NELL1: variants seen among roughly 807,000 people sequenced by gnomAD.
The protein encoded by NELL1 is neural EGFL like 1.
A neutral mutation model predicts 107.4 loss-of-function variants in NELL1; 76 were observed. That is an observed-to-expected ratio of 0.71 (90% confidence interval 0.59 to 0.86). The LOEUF (loss-of-function observed/expected upper bound fraction) is 0.86. Among genes scored for constraint, NELL1 ranks in the 40% least tolerant of loss-of-function variants. The probability of loss-of-function intolerance (pLI) is 0.00; values close to 1 mark genes in which losing one functional copy is unlikely to be tolerated. For synonymous variants in NELL1, 353 were observed against 341.2 expected (o/e 1.03, Z -0.38); for missense variants, 1,024 against 1,005.5 (o/e 1.02, Z -0.25).
At chr11:20,918,354 A>G in intron 6 of NELL1, 100 bp downstream of exon 6, 2 of 719,384 alleles carry the variant, frequency 2.8e-6, no homozygotes, top group Non-Finnish European at 5.0e-6. Context: ...TACAGTGTTG[A>G]CTTCTGAGGT....
At chr11:20,688,415 C>T (rs1854363975) in intron 2 of NELL1, among the ~76,000 whole-genome samples, 1 of 152,018 alleles carries the variant, frequency 6.6e-6, no homozygotes, top group South Asian at 2.1e-4. Flanking sequence ...GTGTCTGTAG[C>T]TGCCATCTTT....
chr11:21,168,936 T>C (rs1411368016), intron 13 of NELL1, among the ~76,000 whole-genome samples: 1 of 151,984 alleles, frequency 6.6e-6, no homozygotes. Flanking sequence ...TATTGCTACC[T>C]TCTTCCTAAT....
At chr11:20,727,079 T>C (rs529663108) in intron 2 of NELL1, among the ~76,000 whole-genome samples, 37 of 152,264 alleles carry the variant, frequency 2.4e-4, no homozygotes, top group Admixed American at 6.5e-4. Context: ...GTCTTTATAG[T>C]AGCATGATTT....
At chr11:21,014,865 G>T (rs1852529613) in intron 12 of NELL1, among the ~76,000 whole-genome samples, 1 of 152,026 alleles carries the variant, frequency 6.6e-6, no homozygotes, top group South Asian at 2.1e-4. Context: ...CCTTGTTGTG[G>T]TTATTTCATT....
intron 11 of NELL1, among the ~76,000 whole-genome samples, chr11:20,957,553 C>T (rs868568054): frequency 6.6e-6 from 1 of 152,008 alleles, no homozygotes. Flanking sequence ...TGCTATTCAG[C>T]ATAAACAACA....
intron 13 of NELL1, among the ~76,000 whole-genome samples, chr11:21,207,538 G>A (rs914452517): frequency 2.0e-5 from 3 of 152,132 alleles, no homozygotes; most frequent in East Asian, 1.9e-4. Context: ...GTGTCAGTGG[G>A]ATAGTCTCTG....
chr11:20,904,747 GTCTC>G (rs1327201023), intron 5 of NELL1, among the ~76,000 whole-genome samples: 1 of 152,032 alleles, frequency 6.6e-6, no homozygotes, highest in Non-Finnish European at 1.5e-5. Context: ...GGTTGGAGGA[GTCTC>G]TCTCTCTTTC....
At chr11:21,158,300 T>C (rs562766347) in intron 13 of NELL1, among the ~76,000 whole-genome samples, 27 of 152,316 alleles carry the variant, frequency 1.8e-4, no homozygotes, top group African/African-American at 6.5e-4. Context: ...AGACGGTCTG[T>C]TGTGGGACTT....
chr11:21,011,382 G>A (rs1381276716), intron 12 of NELL1, among the ~76,000 whole-genome samples: 1 of 152,154 alleles, frequency 6.6e-6, no homozygotes, highest in East Asian at 1.9e-4. Flanking sequence ...AAGGAAAGGG[G>A]AGGAAGCAGG....
At chr11:21,353,777 ATAAT>A (rs1286917350) in intron 14 of NELL1, among the ~76,000 whole-genome samples, 1 of 152,216 alleles carries the variant, frequency 6.6e-6, no homozygotes, top group Non-Finnish European at 1.5e-5. Flanking sequence ...TCTAAAAATG[ATAAT>A]TAATAATTCT....
At chr11:20,673,125 G>C (rs1034625637) in intron 1 of NELL1, among the ~76,000 whole-genome samples, 7 of 152,148 alleles carry the variant, frequency 4.6e-5, no homozygotes, top group Admixed American at 3.9e-4. Context: ...GCTTCCCAAA[G>C]TGCTGAGATT....
chr11:21,081,223 C>G (rs920297237), intron 12 of NELL1, among the ~76,000 whole-genome samples: 2 of 152,064 alleles, frequency 1.3e-5, no homozygotes, highest in African/African-American at 2.4e-5. Context: ...ATCACCAACC[C>G]CCTTCTTGAG....
chr11:20,988,270 G>T (rs1000779521), intron 12 of NELL1, among the ~76,000 whole-genome samples: 2 of 152,046 alleles, frequency 1.3e-5, no homozygotes, highest in Admixed American at 6.6e-5. Flanking sequence ...AGAATTGAAT[G>T]ACCTATCATG....
chr11:20,806,425 G>T (rs1051147817), intron 3 of NELL1, among the ~76,000 whole-genome samples: 5 of 152,084 alleles, frequency 3.3e-5, no homozygotes, highest in Admixed American at 3.3e-4. Flanking sequence ...GAGCTCCATT[G>T]TATGTTTGTT....
intron 15 of NELL1, among the ~76,000 whole-genome samples, chr11:21,518,355 T>C (rs1855626928): frequency 6.6e-6 from 1 of 152,190 alleles, no homozygotes; most frequent in Admixed American, 6.5e-5. Flanking sequence ...CTTAAATTCT[T>C]CAGTTCTCAT....
Position 21,307,404 on chromosome 11 carries a change from AAG to A in NELL1, c.1550-63447_1550-63446del, listed in dbSNP as rs1390369769. 7.9e-5 allele frequency among the ~76,000 whole-genome samples: 12 copies of A among 151,866 alleles called. No homozygotes were observed. The Admixed American group carries it at 7.9e-4, about 10-fold the overall frequency. On this transcript the variant is annotated intron_variant, in intron 14 of 19. Coordinates refer to ENST00000357134, the MANE Select transcript of NELL1 (RefSeq NM_006157.5). ...AAGTAAATTTATGTAACAGAAAAAA[AAG>A]AAAAAAAGGGCAATTTCTTCTTTCT...
intron 12 of NELL1, among the ~76,000 whole-genome samples, chr11:20,986,953 T>C (rs1372715866): frequency 6.6e-6 from 1 of 152,228 alleles, no homozygotes; most frequent in East Asian, 1.9e-4. Context: ...ATAATATTTG[T>C]TATTATTTAA....
At chr11:20,770,626 C>A (rs980576846) in intron 2 of NELL1, among the ~76,000 whole-genome samples, 1 of 152,118 alleles carries the variant, frequency 6.6e-6, no homozygotes, top group Non-Finnish European at 1.5e-5. Context: ...AACTAATTAG[C>A]TAACAAGGCA....
chr11:21,372,098 AAAT>A (rs1299647866), intron 15 of NELL1, among the ~76,000 whole-genome samples: 2 of 152,062 alleles, frequency 1.3e-5, no homozygotes, highest in Non-Finnish European at 2.9e-5. Context: ...AAAATATAAC[AAAT>A]AATAACTGTT....
Sources: gnomAD v4.1 joint callset for allele counts (sites outside exome capture counted in the v4.1 genomes callset) on GRCh38, gnomAD v4.1.1 for gene constraint, MANE v1.5 for transcripts, NCBI Gene and HGNC (gene_info 2026-07-23, HGNC 2026-07-21) for gene names.